Variants in MARCHF1 observed in about 807,000 individuals in gnomAD.
MARCHF1 encodes the protein E3 ubiquitin-protein ligase MARCHF1.
A neutral mutation model predicts 54.2 loss-of-function variants in MARCHF1; 40 were observed. That is an observed-to-expected ratio of 0.74 (90% CI 0.57 to 0.96). The LOEUF is 0.96. Ranked by LOEUF, MARCHF1 falls within the 40% of genes least tolerant of loss-of-function variation. MARCHF1 has a pLI of 0.00. For missense variants in MARCHF1, 586 were observed against 656.5 expected (o/e 0.89, Z 1.17); for synonymous variants, 236 against 236.3 (o/e 1.00, Z 0.01).
chr4:163,701,519 G>A (rs796888913), intron 4 of MARCHF1, among the ~76,000 whole-genome samples: 1 of 152,004 alleles, frequency 6.6e-6, no homozygotes, highest in South Asian at 2.1e-4. Context: ...TTTTTTAAAA[G>A]GTCATATAAT....
intron 3 of MARCHF1, among the ~76,000 whole-genome samples, chr4:163,907,512 A>G (rs1751095721): frequency 6.6e-6 from 1 of 152,138 alleles, no homozygotes. Flanking sequence ...TAGCCAAGTC[A>G]CGGCAGAATA....
chr4:164,369,880 T>C (rs1377088994), intron 1 of MARCHF1, among the ~76,000 whole-genome samples: 1 of 152,126 alleles, frequency 6.6e-6, no homozygotes, highest in East Asian at 1.9e-4. Context: ...TTTAGTAAGG[T>C]TGCTGGATGA....
At chr4:163,955,613 A>G (rs570133814) in intron 3 of MARCHF1, among the ~76,000 whole-genome samples, 175 of 151,804 alleles carry the variant, frequency 1.2e-3, no homozygotes, top group Non-Finnish European at 2.2e-3. Flanking sequence ...TCACTCATTC[A>G]CTCTTCTTGA....
intron 1 of MARCHF1, among the ~76,000 whole-genome samples, chr4:164,138,282 G>C (rs78801194): frequency 0.013 from 1,979 of 149,026 alleles, 31 homozygotes; most frequent in African/African-American, 0.043. Flanking sequence ...CTGGAAAATA[G>C]AACACTTCTA....
chr4:163,565,530 G>A (rs540101192), intron 8 of MARCHF1, among the ~76,000 whole-genome samples: 4 of 152,218 alleles, frequency 2.6e-5, no homozygotes, highest in African/African-American at 9.6e-5. Context: ...AAAAGAAAAC[G>A]AATCCCACAG....
chr4:163,852,464 A>T (rs1203764774), intron 4 of MARCHF1, among the ~76,000 whole-genome samples: 2 of 152,182 alleles, frequency 1.3e-5, no homozygotes, highest in Non-Finnish European at 2.9e-5. Flanking sequence ...TGTACGCATA[A>T]ATATTATGTA....
intron 5 of MARCHF1, among the ~76,000 whole-genome samples, chr4:163,658,411 T>G (rs1743225921): frequency 6.6e-6 from 1 of 151,846 alleles, no homozygotes; most frequent in Non-Finnish European, 1.5e-5. Flanking sequence ...CAGATACTGG[T>G]GAGGTTGCAG....
intron 3 of MARCHF1, among the ~76,000 whole-genome samples, chr4:163,941,647 C>T (rs575317654): frequency 6.6e-6 from 1 of 152,146 alleles, no homozygotes; most frequent in South Asian, 2.1e-4. Context: ...TTCCCTTTAC[C>T]CGTGGTCCTT....
At chr4:163,610,127 C>T (rs1450767549) in intron 7 of MARCHF1, among the ~76,000 whole-genome samples, 1 of 151,952 alleles carries the variant, frequency 6.6e-6, no homozygotes, top group Admixed American at 6.6e-5. Context: ...TCTAGATCAT[C>T]CCAGATCTCA....
intron 7 of MARCHF1, among the ~76,000 whole-genome samples, chr4:163,594,782 ACACACC>A (rs1740708366): frequency 1.3e-5 from 2 of 151,600 alleles, no homozygotes; most frequent in Non-Finnish European, 2.9e-5. Flanking sequence ...ACACACACAC[ACACACC>A]CAAACCCAAA....
chr4:164,149,485 C>T (rs896580841), intron 1 of MARCHF1, among the ~76,000 whole-genome samples: 13 of 152,082 alleles, frequency 8.5e-5, no homozygotes, highest in Non-Finnish European at 1.8e-4. Context: ...ATAGACAAAG[C>T]CTAGAAAAGT....
intron 7 of MARCHF1, among the ~76,000 whole-genome samples, chr4:163,606,364 T>A (rs1230600509): frequency 1.3e-5 from 2 of 152,126 alleles, no homozygotes; most frequent in Non-Finnish European, 2.9e-5. Flanking sequence ...TTCTGAGTAT[T>A]GTGGAGGGCA....
rs188839544 is a variant in MARCHF1, at chr4:163,621,425, C to T, written c.163-8032G>A. Among the ~76,000 whole-genome samples, 38 of 152,282 alleles carry T rather than the reference C, an allele frequency of 2.5e-4. 1 individual carries two copies. The highest frequency in any genetic ancestry group is 1.8e-3 in the Admixed American group (28 of 15,294). ...TTAAAAGCTGCTCCAGTGACTGTAA[C>T]GCCCATCCAGAGTTAGAAACCACTG... On this transcript the variant is annotated intron_variant, in intron 5 of 9. Coordinates refer to ENST00000514618, the MANE Select transcript of MARCHF1 (RefSeq NM_001394959.1).
intron 3 of MARCHF1, among the ~76,000 whole-genome samples, chr4:163,855,004 C>T (rs1476276): frequency 0.37 from 55,954 of 151,870 alleles, 11,027 homozygotes; most frequent in Non-Finnish European, 0.45. Context: ...AATTAAATAT[C>T]AAAAATAATG....
At chr4:163,647,913 T>A in intron 5 of MARCHF1, among the ~76,000 whole-genome samples, 1 of 149,816 alleles carries the variant, frequency 6.7e-6, no homozygotes, top group African/African-American at 2.4e-5. Flanking sequence ...CAGAGAAAAA[T>A]AAATAAAATA....
rs546480840 is a variant in MARCHF1 at position 163,841,228 on chromosome 4, A to G, written c.111+12793T>C. Among the ~76,000 whole-genome samples the G allele has an allele frequency of 2.6e-5, 4 of 152,234 alleles. No homozygotes were observed. The South Asian group carries it at 8.3e-4, about 32-fold the overall frequency. ...CGATTATAAATTTGTCCAAACCCAC[A>G]GAATGTACAAAACTAAGAGTGAACT... On this transcript the variant is annotated intron_variant, in intron 4 of 9. Transcript: ENST00000514618.
intron 4 of MARCHF1, among the ~76,000 whole-genome samples, chr4:163,819,872 C>T (rs1277810445): frequency 6.6e-6 from 1 of 152,080 alleles, no homozygotes; most frequent in African/African-American, 2.4e-5. Flanking sequence ...CATCCTGCAT[C>T]CTGGACATCA....
rs569749001 is a variant in MARCHF1, at chr4:163,867,141, C to G, written c.-38-12972G>C. ...GGCACGGCTAGACTTTATCCTAAGTCATCTCATTAGTGTAAACCATCTAGG... is the reference window on the plus strand; with the variant it reads ...GGCACGGCTAGACTTTATCCTAAGTGATCTCATTAGTGTAAACCATCTAGG... On this transcript the variant is annotated intron_variant, in intron 3 of 9. Transcript: ENST00000514618. Among the ~76,000 whole-genome samples the G allele has an allele frequency of 2.6e-5, 4 of 151,996 alleles. No homozygotes were observed. The South Asian group carries it at 8.3e-4, about 32-fold the overall frequency.
intron 1 of MARCHF1, among the ~76,000 whole-genome samples, chr4:164,121,588 T>C (rs1412180828): frequency 6.6e-6 from 1 of 151,910 alleles, no homozygotes; most frequent in Non-Finnish European, 1.5e-5. Flanking sequence ...TCCCACCAGC[T>C]CCCTCCCATG....
Sources: gnomAD v4.1 joint callset for allele counts (sites outside exome capture counted in the v4.1 genomes callset) on GRCh38, gnomAD v4.1.1 for gene constraint, MANE v1.5 for transcripts, NCBI Gene and HGNC (gene_info 2026-07-23, HGNC 2026-07-21) for gene names.